The following WDR7 variants were observed in gnomAD, a reference collection of about 807,000 sequenced individuals.
WDR7 encodes the protein WD repeat domain 7, also known as WD repeat-containing protein 7.
WDR7 carries 46 observed loss-of-function variants against 169.4 expected under a neutral mutation model. That is an observed-to-expected ratio of 0.27 (90% confidence interval 0.21 to 0.35). The LOEUF is 0.35. WDR7 is among the 10% of genes least tolerant of loss of function. WDR7 has a pLI of 1.00. For synonymous variants in WDR7, 612 were observed against 666.8 expected, an observed-to-expected ratio of 0.92 and a Z score of 1.27; for missense variants, 1,534 against 1,859.3, an observed-to-expected ratio of 0.83 and a Z score of 3.22.
chr18:56,833,070 C>G (rs777359241), intron 20 of WDR7, among the ~76,000 whole-genome samples: 1 of 151,484 alleles, frequency 6.6e-6, no homozygotes, highest in African/African-American at 2.4e-5. Flanking sequence ...TAACCCAATA[C>G]AAGGAAGCTA....
Position 56,672,477 on chromosome 18 carries a change from A to C in WDR7, c.-19-20A>C. 6.9e-7 allele frequency: 1 copy of C among 1,444,330 alleles called. No homozygotes were observed. The highest frequency in any genetic ancestry group is 9.1e-7 in the Non-Finnish European group (1 of 1,093,040). The allele number at this position is 1,444,330 out of a possible 1,614,324, so 89.5% of individuals were successfully genotyped here. ...CGAGAGAAATATTGTAATATCTGAC[A>C]ATTTTTATAACATTTTCAGGTTTGA... On this transcript the variant is annotated intron_variant, in intron 1 of 27. Coordinates refer to ENST00000254442, the MANE Select transcript of WDR7 (RefSeq NM_015285.3).
intron 26 of WDR7, among the ~76,000 whole-genome samples, chr18:57,014,082 T>C (rs1356894876): frequency 6.6e-6 from 1 of 152,168 alleles, no homozygotes; most frequent in Non-Finnish European, 1.5e-5. Context: ...TCCCAGCACT[T>C]TGAGAGGCCG....
intron 21 of WDR7, among the ~76,000 whole-genome samples, chr18:56,899,645 C>T (rs2046374308): frequency 6.6e-6 from 1 of 151,944 alleles, no homozygotes; most frequent in Non-Finnish European, 1.5e-5. Context: ...GAAAGCTACC[C>T]ATGGGAATTA....
intron 26 of WDR7, among the ~76,000 whole-genome samples, chr18:56,971,161 A>G (rs2047478930): frequency 6.6e-6 from 1 of 151,890 alleles, no homozygotes; most frequent in Admixed American, 6.6e-5. Flanking sequence ...AATCCCAGCT[A>G]CTCAGGAGGC....
rs548137255 is a variant in WDR7, at chr18:56,774,917, A to G, written c.2849-1865A>G. On this transcript the variant is annotated intron_variant, in intron 16 of 27. Coordinates refer to ENST00000254442, the MANE Select transcript of WDR7 (RefSeq NM_015285.3). ...TGCCTTTTTTTCTAAATGAAATGTC[A>G]TTTAAATATGACTTCAAAAATACAA... Among the ~76,000 whole-genome samples the G allele has an allele frequency of 3.3e-5, 5 of 152,192 alleles. No individual in the cohort carries two copies. In the South Asian group the frequency reaches 1.0e-3, roughly 32 times the overall value.
chr18:56,970,479 G>A (rs150072969), intron 26 of WDR7, among the ~76,000 whole-genome samples: 1 of 152,126 alleles, frequency 6.6e-6, no homozygotes, highest in Non-Finnish European at 1.5e-5. Context: ...GCCATATTAG[G>A]CTCCTTCTGA....
At chr18:56,721,105 G>A (rs1433211706) in intron 13 of WDR7, among the ~76,000 whole-genome samples, 2 of 152,040 alleles carry the variant, frequency 1.3e-5, no homozygotes, top group African/African-American at 4.8e-5. Flanking sequence ...TTTGATGTAT[G>A]AAATGTATTT....
chr18:56,811,177 A>C (rs2044862548), intron 19 of WDR7, among the ~76,000 whole-genome samples: 1 of 152,194 alleles, frequency 6.6e-6, no homozygotes, highest in Admixed American at 6.6e-5. Flanking sequence ...TTTATTCATC[A>C]GTTGATGAAC....
intron 26 of WDR7, among the ~76,000 whole-genome samples, chr18:56,990,616 G>C (rs1312962793): frequency 1.3e-5 from 2 of 152,198 alleles, no homozygotes; most frequent in Non-Finnish European, 2.9e-5. Flanking sequence ...TCTGTCTGCT[G>C]TTGTACACTT....
At chr18:56,994,473 T>A (rs953024175) in intron 26 of WDR7, among the ~76,000 whole-genome samples, 12 of 152,226 alleles carry the variant, frequency 7.9e-5, no homozygotes, top group Non-Finnish European at 1.6e-4. Flanking sequence ...GTTAAATTTT[T>A]ACCATTAAAT....
chr18:56,741,486 C>G (rs188321742), intron 14 of WDR7, among the ~76,000 whole-genome samples: 2 of 152,164 alleles, frequency 1.3e-5, no homozygotes, highest in Admixed American at 6.5e-5. Context: ...TCCTACAAAT[C>G]TGACATCTGC....
chr18:56,722,217 T>C (rs1448161165), intron 13 of WDR7, among the ~76,000 whole-genome samples: 2 of 152,246 alleles, frequency 1.3e-5, no homozygotes, highest in African/African-American at 2.4e-5. Context: ...TCTTAGTGAC[T>C]GTTATTCTTC....
chr18:56,822,034 C>G (rs778498545), intron 20 of WDR7, among the ~76,000 whole-genome samples: 15 of 151,970 alleles, frequency 9.9e-5, no homozygotes, highest in Admixed American at 2.0e-4. Flanking sequence ...TCACGCTATC[C>G]TCTCTCCTCA....
At chr18:56,949,234 T>C (rs2047148019) in intron 25 of WDR7, among the ~76,000 whole-genome samples, 1 of 152,162 alleles carries the variant, frequency 6.6e-6, no homozygotes, top group South Asian at 2.1e-4. Context: ...CTTTTTGGTC[T>C]CAGGATCTCA....
chr18:56,710,950 G>C lies in WDR7; in HGVS notation c.1579-7014G>C, dbSNP rs74496108. 1.8e-3 allele frequency among the ~76,000 whole-genome samples: 267 copies of C among 151,740 alleles called. 1 individual carries two copies. The highest frequency in any genetic ancestry group is 6.4e-3 in the African/African-American group (264 of 41,426). ...TTGTCCAAGTTGACAGGTAAAAATAGTATTTTAATGTTTGAATTTGCTTTT... is the reference window on the plus strand; with the variant it reads ...TTGTCCAAGTTGACAGGTAAAAATACTATTTTAATGTTTGAATTTGCTTTT... On this transcript the variant is annotated intron_variant, in intron 12 of 27. Coordinates refer to ENST00000254442, the MANE Select transcript of WDR7 (RefSeq NM_015285.3).
At chr18:56,987,714 A>C (rs1599222428) in intron 26 of WDR7, among the ~76,000 whole-genome samples, 1 of 152,174 alleles carries the variant, frequency 6.6e-6, no homozygotes, top group Non-Finnish European at 1.5e-5. Context: ...TAGAGAAAAA[A>C]ATAGTAAAGA....
intron 1 of WDR7, among the ~76,000 whole-genome samples, chr18:56,657,365 T>C (rs1293563430): frequency 6.6e-6 from 1 of 152,022 alleles, no homozygotes; most frequent in African/African-American, 2.4e-5. Flanking sequence ...ACCAGGTTGG[T>C]CTCAAACTCC....
intron 14 of WDR7, among the ~76,000 whole-genome samples, chr18:56,741,206 ATTTGCTATGTGGCTCTTTACAGAAAAAG>A (rs1435631813): frequency 2.0e-5 from 3 of 152,090 alleles, no homozygotes; most frequent in Admixed American, 2.0e-4. Flanking sequence ...AGTTTAAAGT[ATTTGCTATGTGGCTCTTTACAGAAAAAG>A]TTTGCCAATA....
intron 19 of WDR7, among the ~76,000 whole-genome samples, chr18:56,791,024 C>T (rs572874586): frequency 1.3e-5 from 2 of 152,022 alleles, no homozygotes; most frequent in Non-Finnish European, 2.9e-5. Context: ...TAAAACTTAC[C>T]TATCACTTGA....
Sources: gnomAD v4.1 joint callset for allele counts (sites outside exome capture counted in the v4.1 genomes callset) on GRCh38, gnomAD v4.1.1 for gene constraint, MANE v1.5 for transcripts, NCBI Gene and HGNC (gene_info 2026-07-23, HGNC 2026-07-21) for gene names.